Variants in DAB1 observed in about 807,000 individuals in gnomAD.
DAB1 encodes the protein DAB adaptor protein 1, also known as disabled homolog 1.
In DAB1, 15 loss-of-function variants were observed where a neutral mutation model predicts 64.6. The observed-to-expected ratio is 0.23, with a 90% confidence interval of 0.16 to 0.36. DAB1 has a LOEUF of 0.36. Among genes scored for constraint, DAB1 ranks in the 10% least tolerant of loss-of-function variants. The pLI is 1.00. For synonymous variants in DAB1, 235 were observed against 251.9 expected (o/e 0.93, Z 0.64); for missense variants, 596 against 706.7 (o/e 0.84, Z 1.78).
chr1:57,354,148 T>A (rs12240237), intron 1 of DAB1, among the ~76,000 whole-genome samples: 75,859 of 151,822 alleles, frequency 0.5, 19,677 homozygotes, highest in African/African-American at 0.55. Context: ...CTTCTATCAA[T>A]CTTTCATTGG....
At chr1:57,686,474 C>T (rs1646699015) in intron 6 of DAB1, among the ~76,000 whole-genome samples, 2 of 152,114 alleles carry the variant, frequency 1.3e-5, no homozygotes, top group Admixed American at 6.6e-5. Flanking sequence ...ACAAGATGTA[C>T]AAAGAACAAC....
chr1:57,226,322 A>G (rs1667253572), intron 2 of DAB1, among the ~76,000 whole-genome samples: 1 of 152,156 alleles, frequency 6.6e-6, no homozygotes, highest in Non-Finnish European at 1.5e-5. Context: ...TTAATGCCCA[A>G]ACTAACATCC....
rs540707883 is a variant in DAB1 at position 57,488,448 on chromosome 1, G to A, written n.625+161144C>T. Among the ~76,000 whole-genome samples, 7 of 150,244 alleles carry A rather than the reference G, an allele frequency of 4.7e-5. No individual in the cohort carries two copies. In the East Asian group the frequency reaches 5.9e-4, roughly 13 times the overall value. On this transcript the variant is annotated intron_variant and non_coding_transcript_variant, in intron 7 of 20. Coordinates refer to the DAB1 transcript ENST00000485760. The stretch of plus-strand genomic sequence containing the variant: ...GTTTGTATATTTGGGAGGCCGAGGC[G>A]GGCAGATCACCTGAGGTCAGGAGTT...
chr1:57,499,712 T>C (rs973764796), intron 7 of DAB1, among the ~76,000 whole-genome samples: 1 of 152,204 alleles, frequency 6.6e-6, no homozygotes, highest in African/African-American at 2.4e-5. Flanking sequence ...GGGCAATGTA[T>C]TGAATAAACA....
intron 4 of DAB1, among the ~76,000 whole-genome samples, chr1:58,152,194 C>T (rs1211965301): frequency 6.6e-6 from 1 of 152,142 alleles, no homozygotes; most frequent in Non-Finnish European, 1.5e-5. Context: ...GGGAAATTCT[C>T]ATAAGCTCAC....
chr1:57,525,154 T>C (rs2101395770), intron 7 of DAB1, among the ~76,000 whole-genome samples: 1 of 152,230 alleles, frequency 6.6e-6, no homozygotes, highest in East Asian at 1.9e-4. Flanking sequence ...TTCTGCAAAA[T>C]GAGCACAGTA....
intron 4 of DAB1, among the ~76,000 whole-genome samples, chr1:58,330,859 C>G (rs1235931717): frequency 6.6e-6 from 1 of 152,142 alleles, no homozygotes. Flanking sequence ...GTCATTCAAC[C>G]CTGGGCTCTG....
intron 5 of DAB1, among the ~76,000 whole-genome samples, chr1:58,105,807 C>G (rs186678088): frequency 1.3e-5 from 2 of 152,324 alleles, no homozygotes; most frequent in Non-Finnish European, 2.9e-5. Flanking sequence ...ATAAGCAACT[C>G]ACTCCAAAAA....
intron 9 of DAB1, among the ~76,000 whole-genome samples, chr1:57,035,169 T>A (rs1471529658): frequency 6.6e-6 from 1 of 152,094 alleles, no homozygotes; most frequent in Non-Finnish European, 1.5e-5. Flanking sequence ...GCCTAAGAGG[T>A]TAAGGTTATG....
chr1:57,020,196 C>G (rs1646568589), intron 11 of DAB1, among the ~76,000 whole-genome samples: 1 of 152,114 alleles, frequency 6.6e-6, no homozygotes, highest in African/African-American at 2.4e-5. Flanking sequence ...TGATTGCTAT[C>G]TCTTTAATTT....
intron 8 of DAB1, among the ~76,000 whole-genome samples, chr1:57,066,148 G>T (rs780423976): frequency 6.6e-6 from 1 of 152,092 alleles, no homozygotes; most frequent in Non-Finnish European, 1.5e-5. Context: ...AGGATTGGAT[G>T]GTTAACAGTA....
intron 7 of DAB1, among the ~76,000 whole-genome samples, chr1:57,632,050 A>G (rs1439682059): frequency 1.3e-5 from 2 of 152,218 alleles, no homozygotes; most frequent in Non-Finnish European, 2.9e-5. Flanking sequence ...GTCTACAGGG[A>G]GTAGAAGATA....
chr1:58,013,924 T>A (rs2100436333), intron 5 of DAB1, among the ~76,000 whole-genome samples: 1 of 151,492 alleles, frequency 6.6e-6, no homozygotes, highest in African/African-American at 2.4e-5. Context: ...AAGATGACTG[T>A]AGTATAAGAA....
At chr1:57,162,956 G>A (rs1440778232) in intron 2 of DAB1, among the ~76,000 whole-genome samples, 1 of 152,228 alleles carries the variant, frequency 6.6e-6, no homozygotes, top group African/African-American at 2.4e-5. Flanking sequence ...CAGTGACTAA[G>A]TGTCCCCACC....
At chr1:58,059,355 G>A (rs572733000) in intron 5 of DAB1, among the ~76,000 whole-genome samples, 1 of 152,208 alleles carries the variant, frequency 6.6e-6, no homozygotes, top group South Asian at 2.1e-4. Flanking sequence ...CAACACAAAT[G>A]ACTGTTACTA....
At chr1:58,243,467 T>C (rs750691483) in intron 4 of DAB1, among the ~76,000 whole-genome samples, 6 of 152,170 alleles carry the variant, frequency 3.9e-5, no homozygotes, top group Non-Finnish European at 8.8e-5. Context: ...ATGAAAAGGT[T>C]GTCTGATGTC....
intron 4 of DAB1, among the ~76,000 whole-genome samples, chr1:58,326,932 A>G (rs138153243): frequency 1.3e-5 from 2 of 152,284 alleles, no homozygotes; most frequent in African/African-American, 4.8e-5. Context: ...GTACTAAATT[A>G]TGTGTGTGTG....
At chr1:57,363,482 A>G (rs1176962605) in intron 1 of DAB1, among the ~76,000 whole-genome samples, 3 of 151,958 alleles carry the variant, frequency 2.0e-5, no homozygotes, top group African/African-American at 7.2e-5. Context: ...AGGTGGGCCA[A>G]CTGTGCCTCA....
intron 2 of DAB1, among the ~76,000 whole-genome samples, chr1:58,519,336 A>G (rs1369558304): frequency 6.6e-6 from 1 of 152,196 alleles, no homozygotes; most frequent in African/African-American, 2.4e-5. Context: ...ATCAGGGTAA[A>G]TGGGGTACAT....
Sources: allele counts gnomAD v4.1 joint callset (sites outside exome capture counted in the v4.1 genomes callset), GRCh38; gene constraint gnomAD v4.1.1; transcripts MANE v1.5; gene names NCBI Gene and HGNC (gene_info 2026-07-23, HGNC 2026-07-21).